Variants in PCDHGB1 observed in about 807,000 individuals in gnomAD.
The protein encoded by PCDHGB1 is protocadherin gamma subfamily B, 1.
Under a neutral mutation model 56.6 loss-of-function variants are expected in PCDHGB1, and 34 were observed. That is an observed-to-expected ratio of 0.60 (90% confidence interval 0.46 to 0.80). PCDHGB1 has a LOEUF of 0.80. Among genes scored for constraint, PCDHGB1 ranks in the 30% least tolerant of loss-of-function variants. The pLI is 0.00. For missense variants in PCDHGB1, 1,278 were observed against 1,204.6 expected (o/e 1.06, Z -0.90); for synonymous variants, 561 against 505.9 (o/e 1.11, Z -1.46).
At chr5:141,378,814 T>C (rs915920148) in intron 1 of PCDHGB1, 6 of 152,232 alleles carry the variant, frequency 3.9e-5, no homozygotes, top group Non-Finnish European at 8.8e-5. Flanking sequence ...AACAGAATCA[T>C]TGTTTCATGA....
chr5:141,408,877 C>T (rs1476847671), intron 1 of PCDHGB1: 4 of 1,613,308 alleles, frequency 2.5e-6, no homozygotes, highest in Admixed American at 3.3e-5. Flanking sequence ...GAAGTGCCAC[C>T]GCTCACATAG....
chr5:141,360,401 G>A, intron 1 of PCDHGB1: 1 of 1,613,972 alleles, frequency 6.2e-7, no homozygotes. Context: ...GTGAGTGACA[G>A]AATAGACCGA....
At chr5:141,492,727 G>A (rs2099743408) in intron 1 of PCDHGB1, among the ~76,000 whole-genome samples, 1 of 152,274 alleles carries the variant, frequency 6.6e-6, no homozygotes, top group South Asian at 2.1e-4. Flanking sequence ...GACAGGCAGA[G>A]CTGCCCAGTG....
intron 1 of PCDHGB1, chr5:141,421,835 G>T: frequency 6.2e-7 from 1 of 1,613,746 alleles, no homozygotes. Flanking sequence ...AGCCTGGACC[G>T]AGAGAAAGAG....
At chr5:141,421,770 G>T in intron 1 of PCDHGB1, 6 of 1,613,856 alleles carry the variant, frequency 3.7e-6, no homozygotes, top group East Asian at 2.2e-5. Context: ...ACTTTTCCTT[G>T]CAACTGCGGG....
intron 1 of PCDHGB1, chr5:141,357,522 C>T (rs773992774): frequency 2.5e-6 from 4 of 1,614,230 alleles, no homozygotes; most frequent in South Asian, 1.1e-5. Flanking sequence ...CCCAACCCAG[C>T]TATGCAGACA....
At chr5:141,464,982 T>A (rs914697541) in intron 1 of PCDHGB1, among the ~76,000 whole-genome samples, 1 of 152,030 alleles carries the variant, frequency 6.6e-6, no homozygotes, top group Non-Finnish European at 1.5e-5. Context: ...CTTCAAGTGA[T>A]CCTCCCACCT....
rs747671382 is a variant in PCDHGB1 at position 141,444,152 on chromosome 5, ATTTTTTTTTTTTTTTTTTTT to A, written c.2410-50638_2410-50619del. ...GATATGTGTCACTTGTGTGTACTGG[ATTTTTTTTTTTTTTTTTTTT>A]TTTTTTTTTTTTTTTTGAGATGGAG... On this transcript the variant is annotated intron_variant, in intron 1 of 3. Transcript: ENST00000523390. 2.4e-4 allele frequency among the ~76,000 whole-genome samples: 8 copies of A among 33,898 alleles called. No homozygotes were observed. In the East Asian group the frequency reaches 3.0e-3, roughly 13 times the overall value. 22.2% of individuals were successfully genotyped at this position (33,898 alleles called of 152,430 possible). A position where few individuals can be genotyped will look rare whatever the true frequency, so the allele number is the denominator to read the frequency against.
In PCDHGB1 at chr5:141,511,342, C is replaced by G. The variant is rs2099883728; in HGVS notation, c.*169C>G. The stretch of plus-strand genomic sequence containing the variant: ...AACAAGTGCCCAGTCAGCACCTACC[C>G]CTTCCCCCCCAGGGGGTTGAATATG... On this transcript the variant is annotated 3_prime_UTR_variant, in exon 4 of 4. Coordinates refer to ENST00000523390, the MANE Select transcript of PCDHGB1 (RefSeq NM_018922.3). 1 of 1,424,960 alleles carries G rather than the reference C, an allele frequency of 7.0e-7. No homozygotes were observed. Among genetic ancestry groups the G allele is most frequent in the Admixed American group, 2.6e-5 (1 of 38,556 alleles). 88.3% of individuals were successfully genotyped at this position (1,424,960 alleles called of 1,614,324 possible).
chr5:141,486,425 A>C lies in PCDHGB1; in HGVS notation c.2410-8382A>C. The C allele has an allele frequency of 6.2e-7, 1 of 1,614,228 alleles. No homozygotes were observed. On this transcript the variant is annotated intron_variant, in intron 1 of 3. Transcript: ENST00000523390. This position sits in a 1 kb window ranked among gnomAD's most constrained non-coding sequence, Gnocchi z 5.0. Reference sequence around the variant, plus strand: ...TGCTGGACCCTTGGATCGAGAGGCCAAATCTAGCTATGACATCATGGTCAC... The same window carrying C: ...TGCTGGACCCTTGGATCGAGAGGCCCAATCTAGCTATGACATCATGGTCAC...
At position 141,490,293 on chromosome 5, in the gene PCDHGB1, ATTG is replaced by A; in HGVS notation, c.2410-4513_2410-4511del. The A allele has an allele frequency of 1.9e-6, 3 of 1,614,190 alleles. No individual in the cohort carries two copies. Among genetic ancestry groups the A allele is most frequent in the Non-Finnish European group, 2.5e-6 (3 of 1,180,028 alleles). On this transcript the variant is annotated intron_variant, in intron 1 of 3. Coordinates refer to ENST00000523390, the MANE Select transcript of PCDHGB1 (RefSeq NM_018922.3). The surrounding 1 kb of genome is among the most constrained non-coding windows in gnomAD (Gnocchi z 5.4). ...TCAATGACAATGCCCCAGAGGTGCTATTGGCCTCTTTGGCCAACCCTGTCCTAG... is the reference window on the plus strand; with the variant it reads ...TCAATGACAATGCCCCAGAGGTGCTAGCCTCTTTGGCCAACCCTGTCCTAG...
chr5:141,362,184 C>A lies in PCDHGB1; in HGVS notation c.2409+9515C>A, dbSNP rs1252521454. 3.1e-6 allele frequency: 5 copies of A among 1,613,940 alleles called. No homozygotes were observed. The African/African-American group carries it at 6.7e-5, about 22-fold the overall frequency. The stretch of plus-strand genomic sequence containing the variant: ...TCAGCGACCGCCGGGAGCCCTCTGA[C>A]CCCCAGGCAAAACTGCAGTTTTACC... On this transcript the variant is annotated intron_variant, in intron 1 of 3. Coordinates refer to ENST00000523390, the MANE Select transcript of PCDHGB1 (RefSeq NM_018922.3).
At chr5:141,389,988 C>T (rs1348283803) in intron 1 of PCDHGB1, 7 of 1,613,918 alleles carry the variant, frequency 4.3e-6, no homozygotes, top group Non-Finnish European at 5.9e-6. Context: ...AGTGCTCTTC[C>T]TCGTGGCCAT....
chr5:141,381,194 A>G (rs1490314402), intron 1 of PCDHGB1, among the ~76,000 whole-genome samples: 2 of 152,234 alleles, frequency 1.3e-5, no homozygotes, highest in African/African-American at 4.8e-5. Context: ...AAGCTTTCTT[A>G]GTGTTAGTTC....
At chr5:141,410,636 T>G (rs1050547360) in intron 1 of PCDHGB1, 1 of 1,599,982 alleles carries the variant, frequency 6.3e-7, no homozygotes, top group Admixed American at 1.7e-5. Context: ...TTTCTCTTTT[T>G]TGTGTGTGAT....
intron 1 of PCDHGB1, chr5:141,400,135 G>A (rs773410293): frequency 6.2e-7 from 1 of 1,614,074 alleles, no homozygotes; most frequent in Non-Finnish European, 8.5e-7. Flanking sequence ...GGTGCTGCCG[G>A]ATATCACTGA....
chr5:141,423,253 C>G (rs750278899), intron 1 of PCDHGB1: 1 of 1,613,916 alleles, frequency 6.2e-7, no homozygotes, highest in Admixed American at 1.7e-5. Flanking sequence ...CCTGGCGGAC[C>G]TCGGCAGCCT....
chr5:141,366,286 C>T, intron 1 of PCDHGB1: 1 of 1,613,720 alleles, frequency 6.2e-7, no homozygotes. Flanking sequence ...ATGGCCAGCC[C>T]CCTCTGTCAG....
rs1460175237 is a variant in PCDHGB1, at chr5:141,485,185, G to A, written c.2410-9622G>A. ...AGCGGGCGGCAGCAATGCTCCGCAAGGTGAGAAGCTGGACAGAAATCTGGC... is the reference window on the plus strand; with the variant it reads ...AGCGGGCGGCAGCAATGCTCCGCAAAGTGAGAAGCTGGACAGAAATCTGGC... On this transcript the variant is annotated intron_variant, in intron 1 of 3. Transcript: ENST00000523390. This position sits in a 1 kb window ranked among gnomAD's most constrained non-coding sequence, Gnocchi z 5.7. 3.1e-6 allele frequency: 5 copies of A among 1,613,528 alleles called. No individual in the cohort carries two copies. Among genetic ancestry groups the A allele is most frequent in the African/African-American group, 2.7e-5 (2 of 75,052 alleles).
Sources: gnomAD v4.1 joint callset for allele counts (sites outside exome capture counted in the v4.1 genomes callset) on GRCh38, gnomAD v4.1.1 for gene constraint, Gnocchi (gnomAD v3.1) non-coding constraint, MANE v1.5 for transcripts, NCBI Gene and HGNC (gene_info 2026-07-23, HGNC 2026-07-21) for gene names.